Variants in ZNF793 observed in about 807,000 individuals in gnomAD.
ZNF793 encodes zinc finger protein 793.
ZNF793 carries 5 observed loss-of-function variants against 12.4 expected under a neutral mutation model. The ratio of observed to expected loss-of-function variants is 0.40; its 90% CI spans 0.21 to 0.84. The LOEUF (loss-of-function observed/expected upper bound fraction) is 0.84, where lower values mean the gene tolerates loss of function less well. Ranked by LOEUF, ZNF793 falls within the 40% of genes least tolerant of loss-of-function variation. The pLI is 0.35. For missense variants in ZNF793, 456 were observed against 495.0 expected (o/e 0.92, Z 0.75); for synonymous variants, 162 against 172.4 (o/e 0.94, Z 0.47).
intron 2 of ZNF793, among the ~76,000 whole-genome samples, chr19:37,508,624 T>A (rs2042269229): frequency 6.6e-6 from 1 of 152,100 alleles, no homozygotes; most frequent in African/African-American, 2.4e-5. Flanking sequence ...GAGAATCGTT[T>A]GAACCCAAGA....
Position 37,537,759 on chromosome 19 carries a change from TG to T in ZNF793, c.1104del (p.Cys369AlafsTer32). Reference protein sequence around the residue: ...WRTHTGEKPYGCNECGKAFYQ... With the variant: ...WRTHTGEKPYXCNECGKAFYQ... ...GAACTCACACAGGAGAGAAGCCCTA[TG>T]GGTGCAATGAATGTGGGAAAGCTTT... On this transcript the variant is annotated frameshift_variant, in exon 8 of 8. Coordinates refer to ENST00000627814, the MANE Select transcript of ZNF793 (RefSeq NM_001013659.3). LOFTEE classifies it low-confidence loss of function (END_TRUNC). 2.5e-6 allele frequency: 4 copies of T among 1,614,108 alleles called. No individual in the cohort carries two copies. The highest frequency in any genetic ancestry group is 3.4e-6 in the Non-Finnish European group (4 of 1,180,000).
chr19:37,533,839 G>A (rs973217613), intron 7 of ZNF793: 2 of 306,720 alleles, frequency 6.5e-6, no homozygotes, highest in African/African-American at 4.3e-5. Flanking sequence ...GTTGGGGTGG[G>A]GAGGTGTGAA....
chr19:37,525,286 C>T (rs2042405587), intron 5 of ZNF793, among the ~76,000 whole-genome samples: 1 of 151,638 alleles, frequency 6.6e-6, no homozygotes. Flanking sequence ...CTACAGGCGC[C>T]TGCCACCATG....
At chr19:37,519,247 C>T (rs1203926809) in intron 2 of ZNF793, among the ~76,000 whole-genome samples, 1 of 152,112 alleles carries the variant, frequency 6.6e-6, no homozygotes, top group Non-Finnish European at 1.5e-5. Flanking sequence ...GCCTGGGCAG[C>T]AGAGCAAGAC....
intron 2 of ZNF793, among the ~76,000 whole-genome samples, chr19:37,510,879 G>T (rs570020224): frequency 7.3e-4 from 111 of 151,698 alleles, no homozygotes; most frequent in African/African-American, 2.6e-3. Flanking sequence ...TGTATTTTTA[G>T]TAGAGACGGG....
chr19:37,534,527 C>T (rs2042488760), intron 7 of ZNF793: 1 of 152,344 alleles, frequency 6.6e-6, no homozygotes, highest in Non-Finnish European at 1.5e-5. Context: ...CGCACACACA[C>T]ACACCACTTC....
chr19:37,536,772 C>T, intron 7 of ZNF793, 125 bp from the exon 8 acceptor site: 7 of 1,041,474 alleles, frequency 6.7e-6, no homozygotes, highest in South Asian at 1.8e-5. Context: ...AACACTCTTC[C>T]CTGCGTTTGT....
At chr19:37,519,811 C>A (rs1327272343) in intron 2 of ZNF793, among the ~76,000 whole-genome samples, 1 of 152,178 alleles carries the variant, frequency 6.6e-6, no homozygotes, top group Non-Finnish European at 1.5e-5. Flanking sequence ...GTAACTCATT[C>A]AACATCACAC....
At chr19:37,517,761 T>TA (rs1195390602) in intron 2 of ZNF793, among the ~76,000 whole-genome samples, 7 of 149,650 alleles carry the variant, frequency 4.7e-5, no homozygotes, top group Non-Finnish European at 8.9e-5. Flanking sequence ...ACAAGCTAGG[T>TA]TTTTTTTTTC....
At chr19:37,519,793 T>G (rs2147074707) in intron 2 of ZNF793, among the ~76,000 whole-genome samples, 1 of 152,312 alleles carries the variant, frequency 6.6e-6, no homozygotes, top group Middle Eastern at 3.4e-3. Flanking sequence ...GAGACACAGA[T>G]AGACTAAGTA....
At chr19:37,523,952 C>T (rs2042394012) in intron 5 of ZNF793, among the ~76,000 whole-genome samples, 1 of 151,930 alleles carries the variant, frequency 6.6e-6, no homozygotes, top group Admixed American at 6.6e-5. Context: ...GAGTTTGAGA[C>T]CAGCCTGGCC....
chr19:37,513,350 G>T (rs2042307745), intron 2 of ZNF793, among the ~76,000 whole-genome samples: 1 of 152,108 alleles, frequency 6.6e-6, no homozygotes, highest in Non-Finnish European at 1.5e-5. Context: ...CCTTCCTTCT[G>T]TATTTATTGT....
chr19:37,515,469 G>A (rs1161010473), intron 2 of ZNF793, among the ~76,000 whole-genome samples: 3 of 151,842 alleles, frequency 2.0e-5, no homozygotes, highest in African/African-American at 7.3e-5. Flanking sequence ...CACCCCACCC[G>A]GCCAATTTTT....
chr19:37,518,317 A>C (rs1245018830), intron 2 of ZNF793, among the ~76,000 whole-genome samples: 1 of 151,888 alleles, frequency 6.6e-6, no homozygotes, highest in Non-Finnish European at 1.5e-5. Flanking sequence ...AGTAGAGACA[A>C]GGTTTCACCA....
chr19:37,543,099 TA>T lies in ZNF793; in HGVS notation c.*5221del, dbSNP rs2147125365. On this transcript the variant is annotated 3_prime_UTR_variant, in exon 8 of 8. Transcript: ENST00000627814. ...AAAAAGGGAAAATTTCATAATAATG[TA>T]TACGATTCTATTTTTAAAAAAAGTA... 6.6e-6 allele frequency: 1 copy of T among 152,300 alleles called. No homozygotes were observed. The highest frequency in any genetic ancestry group is 2.1e-4 in the South Asian group (1 of 4,820). The allele number at this position is 152,300 out of a possible 1,614,324, so 9.4% of individuals were successfully genotyped here.
chr19:37,537,595 T>G lies in ZNF793; in HGVS notation c.937T>G (p.Cys313Gly). 1 of 1,614,196 alleles carries G rather than the reference T, an allele frequency of 6.2e-7. No individual in the cohort carries two copies. The highest frequency in any genetic ancestry group is 8.5e-7 in the Non-Finnish European group (1 of 1,180,034). The stretch of plus-strand genomic sequence containing the variant: ...ACACACAGGAGAGAGACCCTTTGTC[T>G]GCAGTGAATGCGGGAAATCGTTTGG... ...RTHTGERPFV[C>G]SECGKSFGEK... Residue 313 changes from cysteine (C) to glycine (G), a missense_variant, in exon 8 of 8, where the codon TGC becomes GGC. Cys to Gly is a radical substitution (Grantham distance 159). Transcript: ENST00000627814.
At chr19:37,528,633 G>A (rs62111482) in intron 5 of ZNF793, among the ~76,000 whole-genome samples, 138 of 152,216 alleles carry the variant, frequency 9.1e-4, no homozygotes, top group Non-Finnish European at 1.4e-3. Flanking sequence ...TCCTAGGCTG[G>A]TACCCATGGG....
rs143485481 is a variant in ZNF793, at chr19:37,536,118, T to C, written c.239-779T>C. 1.5e-3 allele frequency: 344 copies of C among 234,250 alleles called. 9 individuals are homozygous for C. In the East Asian group the frequency reaches 0.025, roughly 17 times the overall value. 14.5% of individuals were successfully genotyped at this position (234,250 alleles called of 1,614,324 possible). On this transcript the variant is annotated intron_variant, in intron 7 of 7. Transcript: ENST00000627814. ...TTTCTATCAAAGTTCACAAGCCCCC[T>C]GTTTTCTGCCAAGTTAAGAACTCTT...
chr19:37,539,523 G>T lies in ZNF793; in HGVS notation c.*1644G>T, dbSNP rs1299976909. On this transcript the variant is annotated 3_prime_UTR_variant, in exon 8 of 8. Transcript: ENST00000627814. ...GGAAAGAAGTCTGCTTCCCTGAGTT[G>T]CTATGTCATCCATATTAGAAAATAA... 1 of 152,126 alleles carries T rather than the reference G, an allele frequency of 6.6e-6. No individual in the cohort carries two copies. The highest frequency in any genetic ancestry group is 2.4e-5 in the African/African-American group (1 of 41,428). The allele number at this position is 152,126 out of a possible 1,614,324, so 9.4% of individuals were successfully genotyped here.
Sources: gnomAD v4.1 joint callset for allele counts (sites outside exome capture counted in the v4.1 genomes callset) on GRCh38, gnomAD v4.1.1 for gene constraint, MANE v1.5 for transcripts, NCBI Gene and HGNC (gene_info 2026-07-23, HGNC 2026-07-21) for gene names.